Variants in STAG1 observed in about 807,000 individuals in gnomAD.
The protein encoded by STAG1 is cohesin subunit SA-1.
Under a neutral mutation model 170.9 loss-of-function variants are expected in STAG1, and 26 were observed. The ratio of observed to expected loss-of-function variants is 0.15; its 90% CI spans 0.11 to 0.21. STAG1 has a LOEUF of 0.21. STAG1 is among the 10% of genes least tolerant of loss of function. STAG1 has a pLI of 1.00. For synonymous variants in STAG1, 514 were observed against 497.7 expected (o/e 1.03, Z -0.44); for missense variants, 964 against 1,509.5 (o/e 0.64, Z 5.99).
intron 4 of STAG1, among the ~76,000 whole-genome samples, chr3:136,591,254 AGGGAGGAGGGAGGAG>A (rs1238379400): frequency 1.6e-5 from 2 of 126,434 alleles, no homozygotes; most frequent in Admixed American, 1.6e-4. Flanking sequence ...GGAGGGAGGA[AGGGAGGAGGGAGGAG>A]GGGAGGAGGG....
intron 23 of STAG1, among the ~76,000 whole-genome samples, 156 bp downstream of exon 23, chr3:136,377,503 AT>A (rs1937670990): frequency 6.6e-6 from 1 of 151,588 alleles, no homozygotes; most frequent in African/African-American, 2.4e-5. Flanking sequence ...AGCTTGCTTT[AT>A]AACATAAATT....
intron 1 of STAG1, among the ~76,000 whole-genome samples, chr3:136,705,810 T>C (rs1180347045): frequency 6.6e-6 from 1 of 152,044 alleles, no homozygotes; most frequent in East Asian, 1.9e-4. Flanking sequence ...TTATTAGCAG[T>C]GTGAGAATGA....
At chr3:136,646,633 A>G (rs1482256234) in intron 1 of STAG1, among the ~76,000 whole-genome samples, 5 of 152,114 alleles carry the variant, frequency 3.3e-5, no homozygotes, top group Non-Finnish European at 2.9e-5. Context: ...TAAAAATAAT[A>G]TAGTTTCATA....
intron 3 of STAG1, among the ~76,000 whole-genome samples, chr3:136,618,574 C>T (rs1939697916): frequency 6.6e-6 from 1 of 151,964 alleles, no homozygotes; most frequent in Admixed American, 6.6e-5. Context: ...CTGGTTCTCA[C>T]TAAGAGAAAA....
intron 1 of STAG1, among the ~76,000 whole-genome samples, chr3:136,668,569 C>T (rs557365951): frequency 1.3e-5 from 2 of 151,768 alleles, no homozygotes; most frequent in South Asian, 4.2e-4. Flanking sequence ...ATAGAGAAAG[C>T]CTTCAGGCTG....
At chr3:136,694,740 C>CT in intron 1 of STAG1, among the ~76,000 whole-genome samples, 1 of 152,202 alleles carries the variant, frequency 6.6e-6, no homozygotes, top group East Asian at 1.9e-4. Context: ...CAGAGTTCAG[C>CT]TTTAGCTCAA....
intron 9 of STAG1, among the ~76,000 whole-genome samples, chr3:136,499,528 T>C (rs1418470378): frequency 6.6e-6 from 1 of 152,178 alleles, no homozygotes; most frequent in Non-Finnish European, 1.5e-5. Flanking sequence ...TTTATTATCT[T>C]TGTCTATCTA....
At chr3:136,541,349 A>G (rs1316777369) in intron 6 of STAG1, among the ~76,000 whole-genome samples, 1 of 152,172 alleles carries the variant, frequency 6.6e-6, no homozygotes, top group East Asian at 1.9e-4. Context: ...TCATTTCACC[A>G]TAAATACAAT....
At chr3:136,514,559 T>C (rs1384294494) in intron 7 of STAG1, among the ~76,000 whole-genome samples, 1 of 152,218 alleles carries the variant, frequency 6.6e-6, no homozygotes, top group Non-Finnish European at 1.5e-5. Context: ...ATCCCATTAC[T>C]GGCTATATAC....
At chr3:136,561,035 A>AG (rs1322130185) in intron 5 of STAG1, among the ~76,000 whole-genome samples, 1 of 151,932 alleles carries the variant, frequency 6.6e-6, no homozygotes. Context: ...ACGCAGCTTT[A>AG]GGGGAAAATG....
intron 3 of STAG1, among the ~76,000 whole-genome samples, chr3:136,621,992 GAAA>G (rs11360539): frequency 2.5e-5 from 3 of 121,436 alleles, no homozygotes; most frequent in Non-Finnish European, 3.4e-5. Context: ...TGGTGGTGTG[GAAA>G]AAAAAAAAAA....
intron 12 of STAG1, among the ~76,000 whole-genome samples, chr3:136,466,841 C>T (rs949001369): frequency 4.6e-5 from 7 of 152,162 alleles, no homozygotes; most frequent in Non-Finnish European, 7.3e-5. Flanking sequence ...AGAGTGGAAG[C>T]CAACATCCAA....
intron 9 of STAG1, among the ~76,000 whole-genome samples, chr3:136,485,418 C>T (rs1304625041): frequency 2.0e-5 from 3 of 152,074 alleles, no homozygotes; most frequent in Admixed American, 6.6e-5. Context: ...GATCACGCCA[C>T]TGCACTCCAG....
At chr3:136,665,711 C>A (rs1941740347) in intron 1 of STAG1, among the ~76,000 whole-genome samples, 1 of 148,362 alleles carries the variant, frequency 6.7e-6, no homozygotes, top group Non-Finnish European at 1.5e-5. Flanking sequence ...ACCCAGGAGG[C>A]AGAGCTTGCA....
At chr3:136,569,256 C>T (rs2107762544) in intron 4 of STAG1, among the ~76,000 whole-genome samples, 1 of 151,404 alleles carries the variant, frequency 6.6e-6, no homozygotes, top group Non-Finnish European at 1.5e-5. Context: ...AAAAAGAATG[C>T]AAATAATAAG....
chr3:136,485,406 G>A (rs548936232), intron 9 of STAG1, among the ~76,000 whole-genome samples: 7 of 152,158 alleles, frequency 4.6e-5, no homozygotes, highest in Non-Finnish European at 7.4e-5. Context: ...GCAGTAAGCC[G>A]AGATCACGCC....
intron 15 of STAG1, among the ~76,000 whole-genome samples, chr3:136,441,461 GA>G (rs2088630135): frequency 6.6e-6 from 1 of 152,220 alleles, no homozygotes; most frequent in South Asian, 2.1e-4. Flanking sequence ...AAAAGTTTGG[GA>G]AGAATTTGTG....
intron 12 of STAG1, among the ~76,000 whole-genome samples, 199 bp from the exon 13 acceptor site, chr3:136,465,187 G>A (rs1265107910): frequency 6.7e-6 from 1 of 149,688 alleles, no homozygotes; most frequent in East Asian, 2.0e-4. Flanking sequence ...CAGATTCAAC[G>A]AGAAGAAAAT....
At chr3:136,452,629 C>T (rs750502673) in intron 13 of STAG1, among the ~76,000 whole-genome samples, 3 of 151,180 alleles carry the variant, frequency 2.0e-5, no homozygotes, top group Admixed American at 6.6e-5. Context: ...CATTATAGGT[C>T]GGAAAATGGT....
Sources: gnomAD v4.1 joint callset for allele counts (sites outside exome capture counted in the v4.1 genomes callset) on GRCh38, gnomAD v4.1.1 for gene constraint, MANE v1.5 for transcripts, NCBI Gene and HGNC (gene_info 2026-07-23, HGNC 2026-07-21) for gene names.